The following PSMD14 variants were observed in gnomAD, a reference collection of about 807,000 sequenced individuals.
PSMD14 encodes the protein proteasome 26S subunit, non-ATPase 14.
PSMD14 carries 7 observed loss-of-function variants against 41.2 expected under a neutral mutation model. The ratio of observed to expected loss-of-function variants is 0.17; its 90% confidence interval spans 0.10 to 0.32. The LOEUF is 0.32. Among genes scored for constraint, PSMD14 ranks in the 10% least tolerant of loss-of-function variants. The probability of loss-of-function intolerance (pLI) is 1.00; values close to 1 mark genes in which losing one functional copy is unlikely to be tolerated. For synonymous variants in PSMD14, 114 were observed against 122.3 expected (o/e 0.93, Z 0.45); for missense variants, 139 against 375.6 (o/e 0.37, Z 5.21).
intron 1 of PSMD14, among the ~76,000 whole-genome samples, chr2:161,311,560 C>G (rs980532562): frequency 1.3e-5 from 2 of 148,426 alleles, no homozygotes; most frequent in African/African-American, 5.0e-5. Flanking sequence ...CCCACAGATA[C>G]AGATGGATGC....
rs777251149 is a variant in PSMD14 at position 161,318,795 on chromosome 2, C to A, written c.-4-27C>A. 19 of 1,599,042 alleles carry A rather than the reference C, an allele frequency of 1.2e-5. No individual in the cohort carries two copies. In the South Asian group the frequency reaches 1.8e-4, roughly 15 times the overall value. On this transcript the variant is annotated intron_variant, in intron 2 of 11. Transcript: ENST00000409682. ...GAATAAACATTTTTGTGCTTAGGAA[C>A]GTTTTTTCTTTGTTTCTGTTTTCTA...
At chr2:161,345,189 T>C (rs1234896083) in intron 3 of PSMD14, among the ~76,000 whole-genome samples, 1 of 151,964 alleles carries the variant, frequency 6.6e-6, no homozygotes, top group Non-Finnish European at 1.5e-5. Context: ...TATTAAATGT[T>C]AAAATTTATT....
chr2:161,388,807 C>T (rs148467905), intron 8 of PSMD14, among the ~76,000 whole-genome samples: 104 of 152,074 alleles, frequency 6.8e-4, no homozygotes, highest in African/African-American at 2.3e-3. Flanking sequence ...ATCCGTAAGC[C>T]GTGTGTTTTA....
At chr2:161,346,995 G>C (rs985026851) in intron 3 of PSMD14, among the ~76,000 whole-genome samples, 1 of 152,006 alleles carries the variant, frequency 6.6e-6, no homozygotes, top group African/African-American at 2.4e-5. Flanking sequence ...GTGGTACTCT[G>C]TCCAGATTAC....
chr2:161,375,734 A>G (rs1482865096), intron 7 of PSMD14, among the ~76,000 whole-genome samples: 1 of 151,952 alleles, frequency 6.6e-6, no homozygotes, highest in Non-Finnish European at 1.5e-5. Flanking sequence ...ATACAGGAAG[A>G]AAGTTAGGGA....
intron 10 of PSMD14, among the ~76,000 whole-genome samples, chr2:161,398,767 T>C (rs142276285): frequency 6.6e-4 from 100 of 152,170 alleles, no homozygotes; most frequent in African/African-American, 2.3e-3. Context: ...TTTATATGCT[T>C]ACATATGAAA....
At chr2:161,405,163 T>C (rs1212390639) in intron 10 of PSMD14, among the ~76,000 whole-genome samples, 1 of 152,152 alleles carries the variant, frequency 6.6e-6, no homozygotes, top group East Asian at 1.9e-4. Flanking sequence ...AACTTTGGAC[T>C]CATCTCTCTT....
At chr2:161,409,441 GT>G (rs922430329) in intron 11 of PSMD14, 2 of 152,210 alleles carry the variant, frequency 1.3e-5, no homozygotes, top group African/African-American at 4.8e-5. Flanking sequence ...TAATTAGACT[GT>G]TTTTTAAAGA....
intron 1 of PSMD14, among the ~76,000 whole-genome samples, chr2:161,311,939 G>A (rs1574110702): frequency 6.6e-6 from 1 of 151,668 alleles, no homozygotes; most frequent in African/African-American, 2.4e-5. Flanking sequence ...TCTAAGTTGC[G>A]GAAATCTTGC....
intron 7 of PSMD14, among the ~76,000 whole-genome samples, chr2:161,376,268 C>T (rs2105260242): frequency 6.6e-6 from 1 of 151,634 alleles, no homozygotes; most frequent in Admixed American, 6.6e-5. Flanking sequence ...TCAGATTTTT[C>T]ATCTATATAA....
intron 11 of PSMD14, 94 bp downstream of exon 11, chr2:161,408,993 C>T (rs1430016579): frequency 2.1e-6 from 2 of 959,964 alleles, no homozygotes; most frequent in Non-Finnish European, 3.1e-6. Flanking sequence ...TTTTTCCTGT[C>T]CACTCTATGT....
chr2:161,399,988 ATC>A (rs1683853721), intron 10 of PSMD14, among the ~76,000 whole-genome samples: 2 of 152,168 alleles, frequency 1.3e-5, no homozygotes, highest in African/African-American at 4.8e-5. Context: ...TTTCAAAAGT[ATC>A]TCTATCTTGC....
At chr2:161,337,270 T>C (rs1282856877) in intron 3 of PSMD14, among the ~76,000 whole-genome samples, 1 of 152,228 alleles carries the variant, frequency 6.6e-6, no homozygotes, top group Non-Finnish European at 1.5e-5. Context: ...TGTTTCTAAA[T>C]CATATATATT....
intron 3 of PSMD14, among the ~76,000 whole-genome samples, chr2:161,324,587 C>G (rs568477318): frequency 8.7e-5 from 13 of 149,478 alleles, no homozygotes; most frequent in African/African-American, 3.2e-4. Context: ...GTGATTTTTA[C>G]TTTTTTCCCC....
In PSMD14 at chr2:161,391,117, G is replaced by T; in HGVS notation, c.584G>T (p.Gly195Val). 6.6e-7 allele frequency: 1 copy of T among 1,522,628 alleles called. No individual in the cohort carries two copies. The highest frequency in any genetic ancestry group is 8.8e-7 in the Non-Finnish European group (1 of 1,133,044). 94.3% of individuals were successfully genotyped at this position (1,522,628 alleles called of 1,614,324 possible). ...TTATCTATATAGGCATTAATTCATG[G>T]ACTAAACAGACATTATTACTCCATT... ...NKPSIQALIH[G>V]LNRHYYSITI... The change falls in exon 9 of 12, where the codon GGA becomes GTA. Residue 195 changes from glycine (G) to valine (V), a missense_variant. Gly to Val is a moderately radical substitution (Grantham distance 109). Transcript: ENST00000409682.
chr2:161,394,432 G>C (rs752280284), intron 9 of PSMD14, among the ~76,000 whole-genome samples: 20 of 152,112 alleles, frequency 1.3e-4, no homozygotes, highest in Non-Finnish European at 2.6e-4. Context: ...CTAAACTGAG[G>C]ATCAGAAAGA....
At chr2:161,370,054 GC>G (rs1413184308) in intron 5 of PSMD14, 52 bp from the exon 6 acceptor site, 42 of 1,379,864 alleles carry the variant, frequency 3.0e-5, no homozygotes, top group Non-Finnish European at 4.1e-5. Context: ...ACATAGGGAA[GC>G]TTTTTTTCCA....
intron 3 of PSMD14, among the ~76,000 whole-genome samples, chr2:161,365,745 A>G (rs1683349297): frequency 6.6e-6 from 1 of 152,106 alleles, no homozygotes; most frequent in African/African-American, 2.4e-5. Context: ...TTATGGAGTG[A>G]TCACATAAGG....
At chr2:161,411,199 C>G in intron 11 of PSMD14, 103 bp from the exon 12 acceptor site, 1 of 597,606 alleles carries the variant, frequency 1.7e-6, no homozygotes, top group Non-Finnish European at 2.8e-6. Flanking sequence ...TAAGTAAGGT[C>G]TGGCTTTCTT....
Sources: gnomAD v4.1 joint callset for allele counts (sites outside exome capture counted in the v4.1 genomes callset) on GRCh38, gnomAD v4.1.1 for gene constraint, MANE v1.5 for transcripts, NCBI Gene and HGNC (gene_info 2026-07-23, HGNC 2026-07-21) for gene names.